The following RMDN2 variants were observed in gnomAD, a reference collection of about 807,000 sequenced individuals.
RMDN2 encodes regulator of microtubule dynamics protein 2.
A neutral mutation model predicts 52.8 loss-of-function variants in RMDN2; 61 were observed. The observed-to-expected ratio is 1.16, with a 90% confidence interval of 0.94 to 1.43. The LOEUF (loss-of-function observed/expected upper bound fraction) is 1.43, where lower values mean the gene tolerates loss of function less well. Ranked by LOEUF, RMDN2 falls within the 40% of genes most tolerant of loss-of-function variation. The pLI is 0.00. For synonymous variants in RMDN2, 180 were observed against 153.1 expected (o/e 1.18, Z -1.30); for missense variants, 592 against 475.3 (o/e 1.25, Z -2.28).
chr2:38,045,406 C>A (rs980777283), intron 10 of RMDN2, among the ~76,000 whole-genome samples: 1 of 152,172 alleles, frequency 6.6e-6, no homozygotes, highest in Non-Finnish European at 1.5e-5. Flanking sequence ...TCCTGTTATA[C>A]ATATTAGATT....
rs57078111 is a variant in RMDN2 at position 37,952,547 on chromosome 2, T to G, written c.453-21493T>G. The G allele has an allele frequency of 7.3e-3, 2,714 of 373,714 alleles. 63 individuals are homozygous for G. The highest frequency in any genetic ancestry group is 0.049 in the African/African-American group (2,353 of 48,254). The allele number at this position is 373,714 out of a possible 1,614,324, so 23.1% of individuals were successfully genotyped here. A position where few individuals can be genotyped will look rare whatever the true frequency, so the allele number is the denominator to read the frequency against. ...CCTTGATGTATGGACTTTCTAAAAGTAATACATTCTTTGAGAGTTTAGTAT... is the reference window on the plus strand; with the variant it reads ...CCTTGATGTATGGACTTTCTAAAAGGAATACATTCTTTGAGAGTTTAGTAT... On this transcript the variant is annotated intron_variant, in intron 2 of 10. Transcript: ENST00000354545.
In RMDN2 at chr2:37,940,460, A is replaced by G. The variant is rs140826296; in HGVS notation, c.452+10731A>G. On this transcript the variant is annotated intron_variant, in intron 2 of 10. Coordinates refer to ENST00000354545, the MANE Select transcript of RMDN2 (RefSeq NM_001170791.3). ...CTATGTTGGGGAAGTTCTCCTGGAT[A>G]GTATCCTGAAGTGTGTTTTCCACCT... Among the ~76,000 whole-genome samples the G allele has an allele frequency of 1.1e-4, 17 of 152,260 alleles. No individual in the cohort carries two copies. The East Asian group carries it at 2.7e-3, about 24-fold the overall frequency.
chr2:38,064,426 G>A (rs376177884), intron 10 of RMDN2, among the ~76,000 whole-genome samples: 2 of 145,194 alleles, frequency 1.4e-5, no homozygotes, highest in Non-Finnish European at 3.1e-5. Flanking sequence ...GGAGGCGGAG[G>A]TTGCAGTGAG....
intron 5 of RMDN2, among the ~76,000 whole-genome samples, chr2:37,989,135 G>C (rs12987008): frequency 0.41 from 62,766 of 151,980 alleles, 14,315 homozygotes; most frequent in East Asian, 0.77. Flanking sequence ...TATTTTTAAT[G>C]TTATAAATCT....
chr2:38,051,148 C>A (rs1363134168), intron 10 of RMDN2, among the ~76,000 whole-genome samples: 2 of 152,192 alleles, frequency 1.3e-5, no homozygotes, highest in Non-Finnish European at 2.9e-5. Flanking sequence ...GGGCATGAAA[C>A]CTCAATAAAT....
At chr2:37,986,373 T>C (rs768634312) in intron 5 of RMDN2, among the ~76,000 whole-genome samples, 6 of 152,176 alleles carry the variant, frequency 3.9e-5, no homozygotes, top group Non-Finnish European at 7.4e-5. Flanking sequence ...TTCTACCAAA[T>C]ACTTAAGGAG....
At chr2:37,992,172 C>A (rs772604026) in intron 7 of RMDN2, among the ~76,000 whole-genome samples, 4 of 152,160 alleles carry the variant, frequency 2.6e-5, no homozygotes, top group Non-Finnish European at 5.9e-5. Flanking sequence ...AAATCTGAGT[C>A]TTCATGATGT....
At chr2:37,938,511 ATCTGTGT>A in intron 2 of RMDN2, among the ~76,000 whole-genome samples, 1 of 152,150 alleles carries the variant, frequency 6.6e-6, no homozygotes, top group Non-Finnish European at 1.5e-5. Context: ...TCAGCTGTGA[ATCTGTGT>A]GGAGCTGAGC....
intron 10 of RMDN2, among the ~76,000 whole-genome samples, chr2:38,048,177 G>C (rs1681385258): frequency 6.6e-6 from 1 of 152,204 alleles, no homozygotes; most frequent in South Asian, 2.1e-4. Flanking sequence ...TGGCTTTGCT[G>C]CAGTCCTCCC....
intron 2 of RMDN2, among the ~76,000 whole-genome samples, chr2:37,942,260 C>T (rs1046605330): frequency 6.6e-6 from 1 of 152,184 alleles, no homozygotes; most frequent in Non-Finnish European, 1.5e-5. Context: ...CAATGAGATG[C>T]ACCAGGTACC....
intron 10 of RMDN2, among the ~76,000 whole-genome samples, chr2:38,010,758 G>A (rs149142998): frequency 0.015 from 2,350 of 152,186 alleles, 56 homozygotes; most frequent in African/African-American, 0.054. Context: ...GATGCACCCG[G>A]TACCTCAGGT....
chr2:37,965,077 T>A (rs985595535), intron 2 of RMDN2, among the ~76,000 whole-genome samples: 2 of 152,184 alleles, frequency 1.3e-5, no homozygotes, highest in African/African-American at 4.8e-5. Context: ...TTTCATGAAA[T>A]ATGTTTTTCT....
intron 2 of RMDN2, among the ~76,000 whole-genome samples, chr2:37,946,603 G>A (rs1245078085): frequency 6.6e-6 from 1 of 152,216 alleles, no homozygotes; most frequent in Non-Finnish European, 1.5e-5. Flanking sequence ...AAGAGCAGGT[G>A]TGGAGAGTAG....
At chr2:37,941,419 A>G (rs1029815179) in intron 2 of RMDN2, among the ~76,000 whole-genome samples, 1 of 152,208 alleles carries the variant, frequency 6.6e-6, no homozygotes, top group Admixed American at 6.5e-5. Flanking sequence ...GAGTTTGAGC[A>G]CTGTGGTGGG....
chr2:37,992,389 T>A (rs759290235), intron 7 of RMDN2, among the ~76,000 whole-genome samples: 7 of 152,254 alleles, frequency 4.6e-5, no homozygotes, highest in Non-Finnish European at 1.0e-4. Context: ...ATAGAATGAT[T>A]ACAACACTCA....
downstream of RMDN2, among the ~76,000 whole-genome samples, chr2:38,020,949 C>T (rs1679319594): frequency 6.6e-6 from 1 of 152,232 alleles, no homozygotes; most frequent in African/African-American, 2.4e-5. Context: ...CTGGGATCCA[C>T]TGGGTGAAGC....
At chr2:38,062,019 G>T (rs13417487) in intron 10 of RMDN2, among the ~76,000 whole-genome samples, 48,122 of 152,042 alleles carry the variant, frequency 0.32, 9,436 homozygotes, top group South Asian at 0.5. Flanking sequence ...TCGTTTCCTT[G>T]TCTGCCAGCA....
In RMDN2 at chr2:37,951,243, G is replaced by A. The variant is rs371381137; in HGVS notation, c.452+21514G>A. 7.6e-6 allele frequency: 12 copies of A among 1,583,688 alleles called. No individual in the cohort carries two copies. The African/African-American group carries it at 1.5e-4, about 20-fold the overall frequency. ...TTTTCTCACTCTTAGCTGCTGCAAA[G>A]AGGACCAGAGCTTCCAACGATGTTC... On this transcript the variant is annotated intron_variant, in intron 2 of 10. Transcript: ENST00000354545.
intron 2 of RMDN2, among the ~76,000 whole-genome samples, chr2:37,964,018 G>A (rs1447595726): frequency 2.4e-4 from 37 of 151,390 alleles, no homozygotes; most frequent in African/African-American, 7.3e-4. Context: ...CGGACGGGGC[G>A]GCTGGCCTGG....
Sources: gnomAD v4.1 joint callset for allele counts (sites outside exome capture counted in the v4.1 genomes callset) on GRCh38, gnomAD v4.1.1 for gene constraint, MANE v1.5 for transcripts, NCBI Gene and HGNC (gene_info 2026-07-23, HGNC 2026-07-21) for gene names.